The following CDH7 variants were observed in gnomAD, a reference collection of about 807,000 sequenced individuals.
CDH7 encodes cadherin-7.
A neutral mutation model predicts 71.8 loss-of-function variants in CDH7; 25 were observed. The ratio of observed to expected loss-of-function variants is 0.35; its 90% CI spans 0.25 to 0.49. The LOEUF is 0.49. Among genes scored for constraint, CDH7 ranks in the 20% least tolerant of loss-of-function variants. CDH7 has a pLI of 0.99. For missense variants in CDH7, 862 were observed against 974.6 expected, an observed-to-expected ratio of 0.88 and a Z score of 1.54; for synonymous variants, 381 against 363.8, an observed-to-expected ratio of 1.05 and a Z score of -0.54.
intron 2 of CDH7, chr18:65,803,865 A>AT (rs1440671036): frequency 6.6e-6 from 1 of 151,394 alleles, no homozygotes; most frequent in Non-Finnish European, 1.5e-5. Flanking sequence ...GGTTAAAAAA[A>AT]AAAAAAGAAC....
rs1482058284 is a variant in CDH7, at chr18:65,862,763, C to T, written c.1710C>T (p.Pro570=). 6.2e-7 allele frequency: 1 copy of T among 1,614,126 alleles called. No individual in the cohort carries two copies. The highest frequency in any genetic ancestry group is 2.2e-5 in the East Asian group (1 of 44,852). The change falls in exon 11 of 12, where the codon CCC becomes CCT. Residue 570 remains proline, a synonymous_variant. Transcript: ENST00000397968. ...LPIFIVDSGS[P]SLSSTNTLTI... ...TTTTCATTGTGGACAGTGGATCTCC[C>T]TCACTTAGCAGCACCAACACCCTCA... is the stretch of plus-strand genomic sequence containing the variant.
chr18:65,846,480 G>T (rs1285402988), intron 7 of CDH7, among the ~76,000 whole-genome samples: 1 of 152,068 alleles, frequency 6.6e-6, no homozygotes, highest in African/African-American at 2.4e-5. Context: ...TTTTGCATTT[G>T]TAGAATTAAT....
In CDH7 at chr18:65,810,106, T is replaced by G. The variant is rs554110681; in HGVS notation, c.505+108T>G. 20 of 904,732 alleles carry G rather than the reference T, an allele frequency of 2.2e-5. No individual in the cohort carries two copies. The South Asian group carries it at 3.0e-4, about 14-fold the overall frequency. 56.0% of individuals were successfully genotyped at this position (904,732 alleles called of 1,614,324 possible). A position where few individuals can be genotyped will look rare whatever the true frequency, so the allele number is the denominator to read the frequency against. ...GAAAAAAAAAAAAACCTTACTAGTA[T>G]GTGTGTATTGATTGTCAGTTAGGGT... On this transcript the variant is annotated intron_variant, in intron 3 of 11. Transcript: ENST00000397968.
intron 7 of CDH7, among the ~76,000 whole-genome samples, chr18:65,854,087 T>G (rs1244745358): frequency 1.3e-5 from 2 of 151,160 alleles, no homozygotes; most frequent in Admixed American, 6.6e-5. Context: ...GGAGAATTGC[T>G]TGAGCCCAGG....
In CDH7 at chr18:65,762,979, A is replaced by G; in HGVS notation, c.137A>G (p.Lys46Arg). The G allele has an allele frequency of 6.2e-7, 1 of 1,613,762 alleles. No individual in the cohort carries two copies. The highest frequency in any genetic ancestry group is 8.5e-7 in the Non-Finnish European group (1 of 1,179,856). The stretch of plus-strand genomic sequence containing the variant: ...TTCCAATCAGGGAGGTCCCGGACCA[A>G]GCGCAGCTGGGTGTGGAATCAGTTC... ...PYFQSGRSRT[K>R]RSWVWNQFFV... Residue 46 changes from lysine to arginine, a missense_variant, in exon 2 of 12, where the codon AAG (lysine) becomes AGG (arginine). Lys to Arg is a conservative substitution (Grantham distance 26, BLOSUM62 2). Coordinates refer to ENST00000397968, the MANE Select transcript of CDH7 (RefSeq NM_004361.5).
Position 65,759,170 on chromosome 18 carries a change from A to G in CDH7, c.-196-3477A>G, listed in dbSNP as rs28463337. ...CAGCTCTTCTTAAAGTGAATGTTGC[A>G]TTTTATAAGCAAGTCAAATGTTTAT... On this transcript the variant is annotated intron_variant, in intron 1 of 11. Transcript: ENST00000397968. 3.1e-3 allele frequency among the ~76,000 whole-genome samples: 465 copies of G among 152,186 alleles called. 5 individuals are homozygous for G. Among genetic ancestry groups the G allele is most frequent in the African/African-American group, 0.011 (442 of 41,538 alleles).
chr18:65,819,430 T>C (rs148625870), intron 4 of CDH7, among the ~76,000 whole-genome samples: 4 of 152,308 alleles, frequency 2.6e-5, no homozygotes, highest in South Asian at 2.1e-4. Context: ...AATTCTTTCT[T>C]GGGCAAAGCC....
chr18:65,836,938 A>G (rs1912551209), intron 6 of CDH7, among the ~76,000 whole-genome samples: 1 of 152,156 alleles, frequency 6.6e-6, no homozygotes, highest in South Asian at 2.1e-4. Flanking sequence ...GTACAGTTAG[A>G]AAGATAAGAA....
At chr18:65,756,373 C>T (rs1916028806) in intron 1 of CDH7, among the ~76,000 whole-genome samples, 1 of 152,174 alleles carries the variant, frequency 6.6e-6, no homozygotes, top group Admixed American at 6.5e-5. Context: ...CTATTAAGTA[C>T]ACTGACAGTC....
intron 6 of CDH7, among the ~76,000 whole-genome samples, chr18:65,831,809 G>GAAGA (rs1912359516): frequency 6.8e-6 from 1 of 146,310 alleles, no homozygotes; most frequent in Non-Finnish European, 1.5e-5. Context: ...AAATTCTGAA[G>GAAGA]AAAAAAAAAA....
At chr18:65,847,854 C>A (rs988067524) in intron 7 of CDH7, among the ~76,000 whole-genome samples, 1 of 152,066 alleles carries the variant, frequency 6.6e-6, no homozygotes, top group Admixed American at 6.6e-5. Context: ...GTACACTGTA[C>A]TGTCCTTTTG....
intron 2 of CDH7, among the ~76,000 whole-genome samples, chr18:65,788,104 GAAAAT>G (rs1259101377): frequency 6.6e-6 from 1 of 151,994 alleles, no homozygotes; most frequent in Non-Finnish European, 1.5e-5. Flanking sequence ...AACACACATT[GAAAAT>G]AAGCTTGTAT....
chr18:65,883,439 GTGAT>G lies in CDH7; in HGVS notation c.*2549_*2552del, dbSNP rs1163505128. On this transcript the variant is annotated 3_prime_UTR_variant, in exon 12 of 12. Coordinates refer to ENST00000397968, the MANE Select transcript of CDH7 (RefSeq NM_004361.5). ...AGATATAGGCTTTGTTTTAAAAACA[GTGAT>G]TGAAGAGCTGATTGATAAAATTAAT... 1 of 151,892 alleles carries G rather than the reference GTGAT, an allele frequency of 6.6e-6. No homozygotes were observed. The highest frequency in any genetic ancestry group is 1.5e-5 in the Non-Finnish European group (1 of 67,892). The allele number at this position is 151,892 out of a possible 1,614,324, so 9.4% of individuals were successfully genotyped here. A position where few individuals can be genotyped will look rare whatever the true frequency, so the allele number is the denominator to read the frequency against.
At chr18:65,847,964 A>G (rs548004713) in intron 7 of CDH7, among the ~76,000 whole-genome samples, 1 of 39,692 alleles carries the variant, frequency 2.5e-5, no homozygotes, top group African/African-American at 4.9e-5. Context: ...ACTTAGAGGG[A>G]AAAAAAACGA....
In CDH7 at chr18:65,762,893, T is replaced by A. The variant is rs61741929; in HGVS notation, c.51T>A (p.Leu17=). The A allele has an allele frequency of 2.7e-3, 4,310 of 1,613,518 alleles. 115 individuals carry two copies. In the African/African-American group the frequency reaches 0.05, roughly 19 times the overall value. Residue 17 remains leucine (L), a synonymous_variant, in exon 2 of 12, where the codon CTT becomes CTA. Coordinates refer to ENST00000397968, the MANE Select transcript of CDH7 (RefSeq NM_004361.5). ...EFCHFLQLIA[L]FLCFSGMSQA... is the part of the protein sequence containing the mutation. ...GCCATTTTCTGCAGCTAATAGCTCT[T>A]TTCCTGTGTTTTTCTGGGATGAGTC...
chr18:65,858,537 T>C (rs1036762110), intron 8 of CDH7, among the ~76,000 whole-genome samples: 1 of 151,986 alleles, frequency 6.6e-6, no homozygotes, highest in Non-Finnish European at 1.5e-5. Flanking sequence ...TTACCATTTA[T>C]TCTTCTTTCA....
chr18:65,793,635 A>T (rs1910796959), intron 2 of CDH7, among the ~76,000 whole-genome samples: 1 of 152,166 alleles, frequency 6.6e-6, no homozygotes, highest in Non-Finnish European at 1.5e-5. Context: ...ATCTCATCAC[A>T]CTGTACTAAT....
At chr18:65,834,040 C>A (rs1054842812) in intron 6 of CDH7, among the ~76,000 whole-genome samples, 1 of 152,072 alleles carries the variant, frequency 6.6e-6, no homozygotes, top group South Asian at 2.1e-4. Flanking sequence ...CTTCCTTTCC[C>A]CCCTGCCCTC....
intron 6 of CDH7, among the ~76,000 whole-genome samples, chr18:65,840,189 T>G (rs1912677314): frequency 6.6e-6 from 1 of 152,224 alleles, no homozygotes. Flanking sequence ...TTAATTATCC[T>G]TGATGACAAT....
Sources: allele counts gnomAD v4.1 joint callset (sites outside exome capture counted in the v4.1 genomes callset), GRCh38; gene constraint gnomAD v4.1.1; transcripts MANE v1.5; gene names NCBI Gene and HGNC (gene_info 2026-07-23, HGNC 2026-07-21).